The following SNX29 variants were observed in gnomAD, a reference collection of about 807,000 sequenced individuals.
The protein encoded by SNX29 is sorting nexin-29.
A neutral mutation model predicts 102.1 loss-of-function variants in SNX29; 78 were observed. The observed-to-expected ratio is 0.76, with a 90% CI of 0.64 to 0.92. The LOEUF (loss-of-function observed/expected upper bound fraction) is 0.92, where lower values mean the gene tolerates loss of function less well. SNX29 is among the 40% of genes least tolerant of loss of function. The pLI is 0.00. For synonymous variants in SNX29, 580 were observed against 414.5 expected, an observed-to-expected ratio of 1.40 and a Z score of -4.85; for missense variants, 1,280 against 1,061.7, an observed-to-expected ratio of 1.21 and a Z score of -2.86.
chr16:12,387,297 G>T lies in SNX29; in HGVS notation c.1900-11149G>T, dbSNP rs147821866. Among the ~76,000 whole-genome samples the T allele has an allele frequency of 3.3e-5, 5 of 152,264 alleles. No individual in the cohort carries two copies. In the East Asian group the frequency reaches 9.7e-4, roughly 29 times the overall value. On this transcript the variant is annotated intron_variant, in intron 16 of 20. Coordinates refer to ENST00000566228, the MANE Select transcript of SNX29 (RefSeq NM_032167.5). ...CAACCGAATGGTCCTAGGAGAGGCC[G>T]AGAGAGAAGGCTACAGCTTGCTCCG...
At chr16:12,537,167 A>G (rs1489384046) in intron 20 of SNX29, among the ~76,000 whole-genome samples, 1 of 152,134 alleles carries the variant, frequency 6.6e-6, no homozygotes, top group Non-Finnish European at 1.5e-5. Flanking sequence ...TCTTGTTAGC[A>G]TAAAGATGCC....
At chr16:12,169,258 C>T (rs1170065460) in intron 13 of SNX29, among the ~76,000 whole-genome samples, 1 of 152,172 alleles carries the variant, frequency 6.6e-6, no homozygotes, top group Non-Finnish European at 1.5e-5. Flanking sequence ...CCGGGAGCCC[C>T]AGTTCTAGGG....
At chr16:12,531,204 C>T (rs1483854934) in intron 20 of SNX29, among the ~76,000 whole-genome samples, 1 of 152,200 alleles carries the variant, frequency 6.6e-6, no homozygotes, top group Non-Finnish European at 1.5e-5. Context: ...CTGCAAGAAG[C>T]AGGGAGCCCC....
At chr16:12,208,653 C>G (rs754189470) in intron 14 of SNX29, among the ~76,000 whole-genome samples, 4 of 151,834 alleles carry the variant, frequency 2.6e-5, no homozygotes, top group Admixed American at 2.6e-4. Flanking sequence ...GTCTGGATGA[C>G]GGAGCAAGAG....
intron 15 of SNX29, among the ~76,000 whole-genome samples, chr16:12,282,099 A>AT (rs1214482790): frequency 6.6e-6 from 1 of 151,210 alleles, no homozygotes; most frequent in Non-Finnish European, 1.5e-5. Context: ...AAAAAAAAAA[A>AT]AAAAAAAAAT....
intron 4 of SNX29, chr16:12,029,484 A>G (rs1405620461): frequency 2.2e-6 from 1 of 450,818 alleles, no homozygotes; most frequent in South Asian, 1.6e-5. Context: ...TAGCCAGTAC[A>G]GAATACAGTA....
At position 12,098,223 on chromosome 16, in the gene SNX29, A is replaced by T. The variant is rs1242728451; in HGVS notation, c.1402+19308A>T. Among the ~76,000 whole-genome samples the T allele has an allele frequency of 6.6e-6, 1 of 151,856 alleles. No individual in the cohort carries two copies. Among genetic ancestry groups the T allele is most frequent in the East Asian group, 1.9e-4 (1 of 5,172 alleles). On this transcript the variant is annotated intron_variant, in intron 11 of 20. Transcript: ENST00000566228. The surrounding 1 kb of genome is among the most constrained non-coding windows in gnomAD (Gnocchi z 6.0). ...CCTCCTCTTCTCCCTCCTGCCCTAG[A>T]CCTTAAATATTAATGTTAAAAATTT... is the stretch of plus-strand genomic sequence containing the variant.
At position 12,568,621 on chromosome 16, in the gene SNX29, G is replaced by T; in HGVS notation, c.2434G>T (p.Asp812Tyr). Residue 812 changes from aspartate to tyrosine, a missense_variant, in exon 21 of 21, where the codon GAC (aspartate) becomes TAC (tyrosine). Asp to Tyr is a radical substitution (Grantham distance 160). Coordinates refer to ENST00000566228, the MANE Select transcript of SNX29 (RefSeq NM_032167.5). ...ETRNVEPQSG[D>Y]L ...CCGCAACGTGGAGCCCCAGAGCGGTGACCTCTGACCTCGACAAAACCGCAG... is the reference window on the plus strand; with the variant it reads ...CCGCAACGTGGAGCCCCAGAGCGGTTACCTCTGACCTCGACAAAACCGCAG... The T allele has an allele frequency of 6.2e-7, 1 of 1,603,088 alleles. No homozygotes were observed. Among genetic ancestry groups the T allele is most frequent in the Non-Finnish European group, 8.5e-7 (1 of 1,179,780 alleles).
At chr16:12,504,499 C>T (rs1051373720) in intron 19 of SNX29, among the ~76,000 whole-genome samples, 1 of 152,206 alleles carries the variant, frequency 6.6e-6, no homozygotes, top group South Asian at 2.1e-4. Context: ...GAATCATGCA[C>T]TGTGAACTCT....
chr16:12,452,585 TCTGAG>T (rs938467108), intron 18 of SNX29, among the ~76,000 whole-genome samples: 1 of 151,744 alleles, frequency 6.6e-6, no homozygotes, highest in Non-Finnish European at 1.5e-5. Context: ...GGGGAGGGCA[TCTGAG>T]CTGAGTCTGG....
intron 20 of SNX29, among the ~76,000 whole-genome samples, chr16:12,539,657 G>T (rs57614335): frequency 1.8e-4 from 27 of 152,202 alleles, no homozygotes; most frequent in African/African-American, 6.0e-4. Context: ...TTCCCACAGC[G>T]TATGAGGGGC....
intron 15 of SNX29, among the ~76,000 whole-genome samples, chr16:12,339,180 C>A (rs1349263403): frequency 6.6e-6 from 1 of 151,970 alleles, no homozygotes; most frequent in Non-Finnish European, 1.5e-5. Context: ...CCAGCCTGGC[C>A]AACATGGTGA....
chr16:12,567,097 T>C lies in SNX29; in HGVS notation c.2319-1409T>C, dbSNP rs560954454. 1.1e-4 allele frequency among the ~76,000 whole-genome samples: 16 copies of C among 152,228 alleles called. No homozygotes were observed. The South Asian group carries it at 3.3e-3, about 32-fold the overall frequency. ...TGCAGGGATCCTCGAGGGGAATGAT[T>C]TCTTTATGAATGCAAGTCTCTTAAC... On this transcript the variant is annotated intron_variant, in intron 20 of 20. Coordinates refer to ENST00000566228, the MANE Select transcript of SNX29 (RefSeq NM_032167.5).
intron 16 of SNX29, among the ~76,000 whole-genome samples, chr16:12,392,954 G>A (rs764510886): frequency 6.6e-6 from 1 of 152,228 alleles, no homozygotes; most frequent in African/African-American, 2.4e-5. Flanking sequence ...CAACCAAGCT[G>A]AGAGACAGAA....
chr16:12,129,345 C>T (rs1327729677), intron 12 of SNX29, among the ~76,000 whole-genome samples: 3 of 152,164 alleles, frequency 2.0e-5, no homozygotes, highest in South Asian at 2.1e-4. Flanking sequence ...AATTTGCTCA[C>T]CTCATTGTTT....
At chr16:12,156,574 C>T (rs1237975659) in intron 13 of SNX29, among the ~76,000 whole-genome samples, 1 of 152,198 alleles carries the variant, frequency 6.6e-6, no homozygotes, top group East Asian at 1.9e-4. Context: ...GGATATGGGG[C>T]AGGAGCTCGC....
intron 4 of SNX29, among the ~76,000 whole-genome samples, chr16:12,041,475 T>C (rs907874256): frequency 1.3e-5 from 2 of 152,232 alleles, no homozygotes; most frequent in Non-Finnish European, 2.9e-5. Flanking sequence ...TTTTAAACAC[T>C]ATAATTTATT....
chr16:12,463,148 G>A (rs561072145), intron 18 of SNX29, among the ~76,000 whole-genome samples: 3 of 152,188 alleles, frequency 2.0e-5, no homozygotes, highest in Non-Finnish European at 2.9e-5. Context: ...GCCCGTCAGC[G>A]GTCGTTGTCG....
At chr16:12,424,850 C>G (rs1567549350) in intron 18 of SNX29, among the ~76,000 whole-genome samples, 1 of 152,166 alleles carries the variant, frequency 6.6e-6, no homozygotes, top group Non-Finnish European at 1.5e-5. Context: ...AGACTAGCTT[C>G]TTGTCATCAT....
Sources: allele counts gnomAD v4.1 joint callset (sites outside exome capture counted in the v4.1 genomes callset), GRCh38; gene constraint gnomAD v4.1.1; non-coding constraint Gnocchi (gnomAD v3.1); transcripts MANE v1.5; gene names NCBI Gene and HGNC (gene_info 2026-07-23, HGNC 2026-07-21).